The following LRRTM4 variants were observed in gnomAD, a reference collection of about 807,000 sequenced individuals.
The protein encoded by LRRTM4 is leucine rich repeat transmembrane neuronal 4, also known as leucine-rich repeat transmembrane neuronal protein 4.
A neutral mutation model predicts 47.6 loss-of-function variants in LRRTM4; 25 were observed. The observed-to-expected ratio is 0.53, with a 90% confidence interval of 0.38 to 0.73. LRRTM4 has a LOEUF of 0.73. Among genes scored for constraint, LRRTM4 ranks in the 30% least tolerant of loss-of-function variants. The pLI, the probability that LRRTM4 is intolerant of heterozygous loss-of-function variation, is 0.00. For synonymous variants in LRRTM4, 311 were observed against 269.5 expected (o/e 1.15, Z -1.51); for missense variants, 638 against 713.4 (o/e 0.89, Z 1.20).
At chr2:77,411,591 A>G (rs111305585) in intron 3 of LRRTM4, among the ~76,000 whole-genome samples, 1 of 145,444 alleles carries the variant, frequency 6.9e-6, no homozygotes, top group South Asian at 2.2e-4. Flanking sequence ...TAGCTGAGAC[A>G]ACAGGCCCCC....
At chr2:76,986,580 G>A (rs950705296) in intron 3 of LRRTM4, among the ~76,000 whole-genome samples, 2 of 151,896 alleles carry the variant, frequency 1.3e-5, no homozygotes, top group Admixed American at 6.6e-5. Context: ...TAATTACAAA[G>A]ATTTATCTTG....
intron 3 of LRRTM4, among the ~76,000 whole-genome samples, chr2:77,321,066 A>G (rs1167821015): frequency 1.3e-5 from 2 of 152,056 alleles, no homozygotes; most frequent in African/African-American, 2.4e-5. Flanking sequence ...GGTTAGTTTT[A>G]TTTTTTTAAA....
rs750204932 is a variant in LRRTM4, at chr2:76,804,763, A to AAT, written c.1552-55849_1552-55848dup. ...TATATATATATCATTGTTTTATAACAATATATATATCATGTTTTATATATA... is the reference window on the plus strand; with the variant it reads ...TATATATATATCATTGTTTTATAACAATATATATATATCATGTTTTATATATA... On this transcript the variant is annotated intron_variant, in intron 3 of 3. Coordinates refer to ENST00000409884, the MANE Select transcript of LRRTM4 (RefSeq NM_001134745.3). Among the ~76,000 whole-genome samples the AAT allele has an allele frequency of 4.3e-5, 6 of 140,674 alleles. No homozygotes were observed. The South Asian group carries it at 1.1e-3, about 26-fold the overall frequency. 92.3% of individuals were successfully genotyped at this position (140,674 alleles called of 152,430 possible). A position where few individuals can be genotyped will look rare whatever the true frequency, so the allele number is the denominator to read the frequency against.
intron 3 of LRRTM4, among the ~76,000 whole-genome samples, chr2:76,963,505 TTTGA>T (rs1239455088): frequency 6.6e-6 from 1 of 150,868 alleles, no homozygotes; most frequent in African/African-American, 2.4e-5. Flanking sequence ...TGAAAAAATA[TTTGA>T]TTCAGAAATA....
chr2:76,852,620 G>A (rs1055169187), intron 3 of LRRTM4, among the ~76,000 whole-genome samples: 2 of 152,026 alleles, frequency 1.3e-5, no homozygotes, highest in Non-Finnish European at 2.9e-5. Flanking sequence ...TTGCCATGTA[G>A]TACATTCATA....
At chr2:77,287,995 T>A (rs1329063715) in intron 3 of LRRTM4, among the ~76,000 whole-genome samples, 1 of 152,096 alleles carries the variant, frequency 6.6e-6, no homozygotes, top group African/African-American at 2.4e-5. Flanking sequence ...GTCTCAACAT[T>A]CTTCAAGGAA....
rs72075725 is a variant in LRRTM4, at chr2:77,461,138, T to TGAGAGAGAGAGAGA, written c.1551+57166_1551+57179dup. ...TATATACGTACATTTACATACACAG[T>TGAGAGAGAGAGAGA]GAGAGAGAGAGAGAGAGAGAGAGAG... is the stretch of plus-strand genomic sequence containing the variant. On this transcript the variant is annotated intron_variant, in intron 3 of 3. Transcript: ENST00000409884. 1.6e-3 allele frequency among the ~76,000 whole-genome samples: 235 copies of TGAGAGAGAGAGAGA among 145,446 alleles called. 2 individuals carry two copies. In the South Asian group the frequency reaches 0.027, roughly 16 times the overall value.
chr2:76,947,982 G>C (rs1389555406), intron 3 of LRRTM4, among the ~76,000 whole-genome samples: 1 of 151,778 alleles, frequency 6.6e-6, no homozygotes, highest in Non-Finnish European at 1.5e-5. Context: ...TTTCTTAATT[G>C]CATGCTCTGA....
chr2:76,897,620 C>T lies in LRRTM4; in HGVS notation c.1552-148704G>A, dbSNP rs1347767275. ...CCTTTGTTAAAGGTAGCCGTTATAG[C>T]TGTTGTCATGCCTATATCAAGTTGC... On this transcript the variant is annotated intron_variant, in intron 3 of 3. Coordinates refer to ENST00000409884, the MANE Select transcript of LRRTM4 (RefSeq NM_001134745.3). Among the ~76,000 whole-genome samples, 3 of 152,236 alleles carry T rather than the reference C, an allele frequency of 2.0e-5. No individual in the cohort carries two copies. The East Asian group carries it at 5.8e-4, about 29-fold the overall frequency.
chr2:77,301,804 G>T (rs72915921), intron 3 of LRRTM4, among the ~76,000 whole-genome samples: 3,083 of 152,078 alleles, frequency 0.02, 88 homozygotes, highest in African/African-American at 0.069. Context: ...AGTTATTAGT[G>T]GGCTGTGGAG....
chr2:76,966,591 A>C (rs2103926675), intron 3 of LRRTM4, among the ~76,000 whole-genome samples: 1 of 151,604 alleles, frequency 6.6e-6, no homozygotes, highest in East Asian at 2.0e-4. Context: ...ATTGTAACTT[A>C]ATTCTCTCCA....
At chr2:76,988,199 T>C (rs1676870583) in intron 3 of LRRTM4, among the ~76,000 whole-genome samples, 1 of 151,876 alleles carries the variant, frequency 6.6e-6, no homozygotes, top group Non-Finnish European at 1.5e-5. Context: ...TTCGTCTTCC[T>C]ATTTTTTTGT....
At chr2:76,784,221 T>A (rs1395479176) in intron 3 of LRRTM4, among the ~76,000 whole-genome samples, 1 of 152,140 alleles carries the variant, frequency 6.6e-6, no homozygotes, top group Admixed American at 6.6e-5. Flanking sequence ...GAATCCAATT[T>A]CTTTTATTAA....
chr2:77,037,787 T>C (rs2104164333), intron 3 of LRRTM4, among the ~76,000 whole-genome samples: 2 of 151,886 alleles, frequency 1.3e-5, no homozygotes, highest in East Asian at 3.9e-4. Flanking sequence ...GAGTTTATCT[T>C]TGCATGCAAA....
chr2:77,509,051 G>A (rs920481006), intron 3 of LRRTM4, among the ~76,000 whole-genome samples: 1 of 152,022 alleles, frequency 6.6e-6, no homozygotes, highest in African/African-American at 2.4e-5. Flanking sequence ...GGCCAACATG[G>A]TGAAACCCTG....
chr2:77,098,537 T>G (rs991256865), intron 3 of LRRTM4, among the ~76,000 whole-genome samples: 1 of 152,004 alleles, frequency 6.6e-6, no homozygotes, highest in South Asian at 2.1e-4. Flanking sequence ...AATTCAACTT[T>G]AAAATTGGTA....
intron 3 of LRRTM4, among the ~76,000 whole-genome samples, chr2:77,444,963 A>ACT (rs1675992759): frequency 7.2e-6 from 1 of 139,800 alleles, no homozygotes; most frequent in Non-Finnish European, 1.5e-5. Context: ...ACACACACAC[A>ACT]CACACACGAT....
At chr2:77,078,193 A>T (rs1235615438) in intron 3 of LRRTM4, among the ~76,000 whole-genome samples, 2 of 152,208 alleles carry the variant, frequency 1.3e-5, no homozygotes, top group Non-Finnish European at 2.9e-5. Context: ...CTGACATTTC[A>T]TTGAAAATTC....
At chr2:77,158,957 A>T (rs2103802783) in intron 3 of LRRTM4, among the ~76,000 whole-genome samples, 1 of 152,286 alleles carries the variant, frequency 6.6e-6, no homozygotes, top group East Asian at 1.9e-4. Context: ...CTCCGTGAAT[A>T]TTCTTGATTC....
Sources: gnomAD v4.1 joint callset for allele counts (sites outside exome capture counted in the v4.1 genomes callset) on GRCh38, gnomAD v4.1.1 for gene constraint, MANE v1.5 for transcripts, NCBI Gene and HGNC (gene_info 2026-07-23, HGNC 2026-07-21) for gene names.